The following ZNF383 variants were observed in gnomAD, a reference collection of about 807,000 sequenced individuals.
ZNF383 encodes zinc finger protein 383.
ZNF383 carries 32 observed loss-of-function variants against 44.2 expected under a neutral mutation model. That is an observed-to-expected ratio of 0.72 (90% CI 0.55 to 0.97). The LOEUF is 0.97. Among genes scored for constraint, ZNF383 ranks in the 50% least tolerant of loss-of-function variants. The probability of loss-of-function intolerance (pLI) is 0.00; values close to 1 mark genes in which losing one functional copy is unlikely to be tolerated. For missense variants in ZNF383, 487 were observed against 562.5 expected, an observed-to-expected ratio of 0.87 and a Z score of 1.36; for synonymous variants, 155 against 186.2, an observed-to-expected ratio of 0.83 and a Z score of 1.36.
chr19:37,223,675 C>T (rs1396781248), intron 1 of ZNF383, among the ~76,000 whole-genome samples: 1 of 151,802 alleles, frequency 6.6e-6, no homozygotes, highest in Non-Finnish European at 1.5e-5. Context: ...AAATAACATA[C>T]CAAAATTATG....
chr19:37,236,724 C>T (rs1339324870), intron 5 of ZNF383, among the ~76,000 whole-genome samples: 1 of 152,040 alleles, frequency 6.6e-6, no homozygotes, highest in African/African-American at 2.4e-5. Flanking sequence ...CGCATGCCAC[C>T]ATGCCCAGCT....
rs2145549413 is a variant in ZNF383, at chr19:37,243,530, A to C, written c.1294A>C (p.Asn432His). 2 of 1,614,166 alleles carry C rather than the reference A, an allele frequency of 1.2e-6. No individual in the cohort carries two copies. The highest frequency in any genetic ancestry group is 4.5e-5 in the East Asian group (2 of 44,884). The change falls in exon 6 of 6, where the codon AAT becomes CAT. Residue 432 changes from asparagine to histidine, a missense_variant. Physicochemically the swap from Asn to His is moderately conservative, Grantham distance 68. Coordinates refer to ENST00000684119, the MANE Select transcript of ZNF383 (RefSeq NM_001387601.1). ...ATGTAATGAATGTGGAAAGGCCTTT[A>C]ATAAATGCTCAAACCTTACTCGACA... ...YECNECGKAF[N>H]KCSNLTRHLR...
rs778548940 is a variant in ZNF383 at position 37,235,505 on chromosome 19, CA to C, written c.10-43del. The C allele has an allele frequency of 2.7e-5, 43 of 1,609,014 alleles. No homozygotes were observed. In the African/African-American group the frequency reaches 4.8e-4, roughly 18 times the overall value. On this transcript the variant is annotated intron_variant, in intron 3 of 5. Coordinates refer to ENST00000684119, the MANE Select transcript of ZNF383 (RefSeq NM_001387601.1). ...AATACAAGCATCGTAGTCTCTGATA[CA>C]TTTTTTTAATTACACAAGTAATACG...
rs147294485 is a variant in ZNF383 at position 37,231,446 on chromosome 19, C to T, written c.9+984C>T. ...AGGCTGAGGCAGGAGAATCCTTGAA[C>T]CTGGGAGGCAGAAATTGCAGTGAGC... On this transcript the variant is annotated intron_variant, in intron 3 of 5. Transcript: ENST00000684119. 6.3e-3 allele frequency among the ~76,000 whole-genome samples: 966 copies of T among 152,212 alleles called. 29 individuals carry two copies. The highest frequency in any genetic ancestry group is 0.052 in the East Asian group (271 of 5,178).
At chr19:37,222,621 G>A (rs1199009241) in intron 1 of ZNF383, among the ~76,000 whole-genome samples, 8 of 152,082 alleles carry the variant, frequency 5.3e-5, no homozygotes, top group East Asian at 1.9e-4. Context: ...CAGGTGATCC[G>A]CCCGCCTCGG....
rs192168688 is a variant in ZNF383 at position 37,224,261 on chromosome 19, A to G, written c.-167-557A>G. 1.2e-3 allele frequency among the ~76,000 whole-genome samples: 178 copies of G among 152,342 alleles called. 1 individual carries two copies. The highest frequency in any genetic ancestry group is 4.0e-3 in the African/African-American group (166 of 41,594). The stretch of plus-strand genomic sequence containing the variant: ...ATATATTGAAATACAAAATGAATGT[A>G]CAGTGAAGAAAACTAACAAAGGCAA... On this transcript the variant is annotated intron_variant, in intron 1 of 5. Transcript: ENST00000684119.
intron 5 of ZNF383, among the ~76,000 whole-genome samples, chr19:37,242,013 T>C (rs1290931170): frequency 6.3e-4 from 5 of 7,968 alleles, no homozygotes; most frequent in African/African-American, 2.5e-3. Flanking sequence ...TATACTTATC[T>C]ATATATACTA....
Position 37,243,882 on chromosome 19 carries a change from T to C in ZNF383, c.*218T>C. The C allele has an allele frequency of 2.4e-6, 1 of 423,838 alleles. No homozygotes were observed. Among genetic ancestry groups the C allele is most frequent in the Non-Finnish European group, 4.1e-6 (1 of 241,220 alleles). 26.3% of individuals were successfully genotyped at this position (423,838 alleles called of 1,614,324 possible). Reference sequence around the variant, plus strand: ...TTCTATAATTCTTTCATTCATTGTTTTGTTCTACTTTCTTGGTGACACATT... The same window carrying C: ...TTCTATAATTCTTTCATTCATTGTTCTGTTCTACTTTCTTGGTGACACATT... On this transcript the variant is annotated 3_prime_UTR_variant, in exon 6 of 6. Transcript: ENST00000684119.
chr19:37,233,042 A>G (rs1973575737), intron 3 of ZNF383, among the ~76,000 whole-genome samples: 1 of 152,194 alleles, frequency 6.6e-6, no homozygotes, highest in Admixed American at 6.5e-5. Flanking sequence ...GAAGATTATT[A>G]TCTAGTCACA....
intron 1 of ZNF383, among the ~76,000 whole-genome samples, chr19:37,220,570 TG>T (rs67613227): frequency 0.38 from 55,890 of 145,902 alleles, 11,633 homozygotes; most frequent in African/African-American, 0.58. Flanking sequence ...TTTTTTTTTT[TG>T]TTGTTGTTTA....
chr19:37,221,052 A>G (rs1599777621), intron 1 of ZNF383, among the ~76,000 whole-genome samples: 1 of 152,214 alleles, frequency 6.6e-6, no homozygotes, highest in East Asian at 1.9e-4. Context: ...GCATATATGC[A>G]TACCTTTCCA....
In ZNF383 at chr19:37,241,414, ATT is replaced by A. The variant is rs1400969720; in HGVS notation, c.233-1053_233-1052del. 4.6e-5 allele frequency among the ~76,000 whole-genome samples: 7 copies of A among 152,308 alleles called. No individual in the cohort carries two copies. The South Asian group carries it at 1.5e-3, about 32-fold the overall frequency. ...AAGCTACAGTTTTATTAGGATACAT[ATT>A]TGAGCAAGATCTGGAACTGGACAGT... On this transcript the variant is annotated intron_variant, in intron 5 of 5. Transcript: ENST00000684119.
chr19:37,228,627 A>G (rs953873059), intron 2 of ZNF383, among the ~76,000 whole-genome samples: 6 of 151,950 alleles, frequency 3.9e-5, no homozygotes, highest in African/African-American at 1.4e-4. Flanking sequence ...GTGTGTGTCT[A>G]CTAACTGCAG....
chr19:37,234,804 C>T (rs1010236448), intron 3 of ZNF383, among the ~76,000 whole-genome samples: 5 of 152,254 alleles, frequency 3.3e-5, no homozygotes, highest in Middle Eastern at 3.4e-3. Context: ...CTTCAAGTTG[C>T]CTCCTAGTCT....
intron 1 of ZNF383, among the ~76,000 whole-genome samples, chr19:37,218,841 T>G (rs563362905): frequency 2.0e-5 from 3 of 152,012 alleles, no homozygotes; most frequent in Admixed American, 2.0e-4. Flanking sequence ...GTGGTCATTG[T>G]GTTATTTTGA....
In ZNF383 at chr19:37,242,843, T is replaced by C; in HGVS notation, c.607T>C (p.Cys203Arg). ...IGEKSYECKE[C>R]GKFFSCGSHV... ...TGAAAAATCTTATGAATGTAAAGAG[T>C]GTGGGAAATTCTTTAGTTGTGGTTC... The change falls in exon 6 of 6, where the codon TGT (cysteine) becomes CGT (arginine). Residue 203 changes from cysteine (C) to arginine (R), a missense_variant. Physicochemically the swap from Cys to Arg is radical, Grantham distance 180 (BLOSUM62 -3). Transcript: ENST00000684119. 2 of 1,613,862 alleles carry C rather than the reference T, an allele frequency of 1.2e-6. No individual in the cohort carries two copies. The highest frequency in any genetic ancestry group is 2.2e-5 in the South Asian group (2 of 91,072).
chr19:37,243,496 A>G lies in ZNF383; in HGVS notation c.1260A>G (p.Lys420=). The G allele has an allele frequency of 6.2e-7, 1 of 1,614,086 alleles. No homozygotes were observed. ...ATCAGAGAATTCATACAGATGAAAA[A>G]CCATATGAATGTAATGAATGTGGAA... The part of the protein sequence containing the change: ...FQHQRIHTDE[K]PYECNECGKA... Residue 420 remains lysine (K), a synonymous_variant, in exon 6 of 6, where the codon AAA becomes AAG. Transcript: ENST00000684119.
chr19:37,240,157 CA>C (rs11296804), intron 5 of ZNF383, among the ~76,000 whole-genome samples: 98,708 of 138,528 alleles, frequency 0.71, 34,441 homozygotes, highest in African/African-American at 0.87. Flanking sequence ...CACTGCGTTT[CA>C]AAAAAAAAAA....
chr19:37,239,081 G>T (rs986079983), intron 5 of ZNF383, among the ~76,000 whole-genome samples: 13 of 152,180 alleles, frequency 8.5e-5, no homozygotes, highest in Admixed American at 2.6e-4. Context: ...CACTGCGCCC[G>T]GCTCATTTTT....
Sources: gnomAD v4.1 joint callset for allele counts (sites outside exome capture counted in the v4.1 genomes callset) on GRCh38, gnomAD v4.1.1 for gene constraint, MANE v1.5 for transcripts, NCBI Gene and HGNC (gene_info 2026-07-23, HGNC 2026-07-21) for gene names.